Variants in CSMD3 observed in about 807,000 individuals in gnomAD.
CSMD3 encodes CUB and sushi domain-containing protein 3.
CSMD3 carries 177 observed loss-of-function variants against 435.2 expected under a neutral mutation model. That is an observed-to-expected ratio of 0.41 (90% CI 0.36 to 0.46). The LOEUF (loss-of-function observed/expected upper bound fraction) is 0.46. CSMD3 is among the 20% of genes least tolerant of loss of function. CSMD3 has a pLI of 0.34. For missense variants in CSMD3, 4,265 were observed against 4,504.6 expected (o/e 0.95, Z 1.52); for synonymous variants, 1,656 against 1,520.5 (o/e 1.09, Z -2.07).
intron 10 of CSMD3, among the ~76,000 whole-genome samples, chr8:112,888,992 C>A (rs1175610309): frequency 6.6e-6 from 1 of 151,648 alleles, no homozygotes; most frequent in Non-Finnish European, 1.5e-5. Flanking sequence ...AATTAACAAA[C>A]ATTGATTCCA....
chr8:112,510,924 G>A (rs1194631538), intron 28 of CSMD3, among the ~76,000 whole-genome samples: 1 of 152,088 alleles, frequency 6.6e-6, no homozygotes, highest in Non-Finnish European at 1.5e-5. Flanking sequence ...CTGTAGAGAT[G>A]GATGCACAAT....
chr8:112,337,286 C>G (rs62514408), intron 43 of CSMD3, among the ~76,000 whole-genome samples: 28,178 of 152,014 alleles, frequency 0.19, 3,129 homozygotes, highest in Middle Eastern at 0.34. Flanking sequence ...GCACCCCCTT[C>G]CCTTCCCCAC....
intron 1 of CSMD3, among the ~76,000 whole-genome samples, chr8:113,331,573 A>G (rs945177746): frequency 4.0e-5 from 6 of 151,782 alleles, no homozygotes; most frequent in African/African-American, 1.4e-4. Context: ...ATAAAAAAAT[A>G]ATCACACATA....
intron 1 of CSMD3, among the ~76,000 whole-genome samples, chr8:113,393,163 G>A (rs2094468816): frequency 6.6e-6 from 1 of 151,802 alleles, no homozygotes; most frequent in South Asian, 2.1e-4. Context: ...AAAGCCTCAT[G>A]TCCTATACTT....
chr8:112,555,043 C>T (rs1221048344), intron 25 of CSMD3, among the ~76,000 whole-genome samples: 1 of 151,860 alleles, frequency 6.6e-6, no homozygotes, highest in Non-Finnish European at 1.5e-5. Flanking sequence ...GTATCACTCA[C>T]CATATGTCCA....
chr8:112,282,775 AG>A (rs1818787929), intron 58 of CSMD3, among the ~76,000 whole-genome samples: 1 of 152,116 alleles, frequency 6.6e-6, no homozygotes, highest in South Asian at 2.1e-4. Flanking sequence ...GAAGGCTTAA[AG>A]CTTGCTGGAT....
intron 3 of CSMD3, among the ~76,000 whole-genome samples, chr8:113,204,068 A>AT (rs1195292960): frequency 6.6e-6 from 1 of 151,894 alleles, no homozygotes; most frequent in Non-Finnish European, 1.5e-5. Flanking sequence ...CTGTCGTAAT[A>AT]TTTTTTCCCA....
intron 3 of CSMD3, among the ~76,000 whole-genome samples, chr8:113,277,392 T>C (rs925773718): frequency 6.6e-6 from 1 of 152,004 alleles, no homozygotes; most frequent in South Asian, 2.1e-4. Flanking sequence ...TGTTCAAAAC[T>C]GCTGCTATCT....
chr8:112,235,805 A>T (rs1346883696), intron 67 of CSMD3, among the ~76,000 whole-genome samples: 2 of 152,108 alleles, frequency 1.3e-5, no homozygotes, highest in Non-Finnish European at 2.9e-5. Flanking sequence ...ATTGCTGAAA[A>T]ATTGCTACAA....
At chr8:112,869,693 T>C (rs1465244215) in intron 10 of CSMD3, among the ~76,000 whole-genome samples, 2 of 119,008 alleles carry the variant, frequency 1.7e-5, no homozygotes, top group Non-Finnish European at 3.5e-5. Context: ...CATGGAATAC[T>C]ATGCAGCCAT....
chr8:113,120,562 A>G (rs2090958277), intron 4 of CSMD3, among the ~76,000 whole-genome samples: 1 of 152,196 alleles, frequency 6.6e-6, no homozygotes, highest in Non-Finnish European at 1.5e-5. Context: ...TTAGTAGATA[A>G]TTTCAGCACC....
At chr8:113,178,392 T>C (rs2092377513) in intron 3 of CSMD3, among the ~76,000 whole-genome samples, 1 of 151,954 alleles carries the variant, frequency 6.6e-6, no homozygotes, top group Admixed American at 6.6e-5. Context: ...AAGGCAGATA[T>C]TCATTCCACA....
intron 49 of CSMD3, among the ~76,000 whole-genome samples, chr8:112,313,308 A>C (rs1488769940): frequency 6.6e-6 from 1 of 152,162 alleles, no homozygotes; most frequent in Non-Finnish European, 1.5e-5. Context: ...CCGTTTTTAA[A>C]AACGGAAGGT....
chr8:112,532,218 T>G (rs1825611995), intron 27 of CSMD3, among the ~76,000 whole-genome samples: 1 of 151,776 alleles, frequency 6.6e-6, no homozygotes, highest in Admixed American at 6.6e-5. Context: ...CTTACGAGAT[T>G]TAGAAAATGG....
Position 112,909,835 on chromosome 8 carries a change from T to C in CSMD3, c.1633+11792A>G, listed in dbSNP as rs903918756. On this transcript the variant is annotated intron_variant, in intron 10 of 70. Coordinates refer to ENST00000297405, the MANE Select transcript of CSMD3 (RefSeq NM_198123.2). ...TGAAAATGAGTTCATCTTTGAAATT[T>C]AACATGCAAATTTATATTACTTTCA... 5.9e-5 allele frequency among the ~76,000 whole-genome samples: 9 copies of C among 151,818 alleles called. No individual in the cohort carries two copies. The Admixed American group carries it at 5.9e-4, about 10-fold the overall frequency.
At chr8:112,503,646 G>A (rs534846987) in intron 30 of CSMD3, 144 bp downstream of exon 30, 15 of 534,580 alleles carry the variant, frequency 2.8e-5, no homozygotes, top group Middle Eastern at 9.1e-4. Flanking sequence ...CAGTGAGAAC[G>A]CTTTTATGAG....
chr8:112,342,712 T>C (rs1825239719), intron 41 of CSMD3, among the ~76,000 whole-genome samples: 1 of 152,086 alleles, frequency 6.6e-6, no homozygotes, highest in African/African-American at 2.4e-5. Context: ...TAAACGCGCA[T>C]CATGTTACTA....
intron 12 of CSMD3, among the ~76,000 whole-genome samples, chr8:112,817,204 G>T (rs2132416362): frequency 6.6e-6 from 1 of 152,122 alleles, no homozygotes; most frequent in South Asian, 2.1e-4. Context: ...ACATGCAAAA[G>T]AAAATGCAGA....
intron 16 of CSMD3, among the ~76,000 whole-genome samples, chr8:112,679,093 T>TG (rs967501967): frequency 2.0e-3 from 305 of 150,128 alleles, no homozygotes; most frequent in African/African-American, 6.9e-3. Context: ...AGGTTTTTTT[T>TG]TTTTTTTTTT....
Sources: gnomAD v4.1 joint callset for allele counts (sites outside exome capture counted in the v4.1 genomes callset) on GRCh38, gnomAD v4.1.1 for gene constraint, MANE v1.5 for transcripts, NCBI Gene and HGNC (gene_info 2026-07-23, HGNC 2026-07-21) for gene names.